The following DNAI1 variants were observed in gnomAD, a reference collection of about 807,000 sequenced individuals.
The protein encoded by DNAI1 is dynein, axonemal, intermediate polypeptide 1.
Under a neutral mutation model 92.0 loss-of-function variants are expected in DNAI1, and 67 were observed. The ratio of observed to expected loss-of-function variants is 0.73; its 90% CI spans 0.60 to 0.89. The LOEUF is 0.89. DNAI1 is among the 40% of genes least tolerant of loss of function. The probability of loss-of-function intolerance (pLI) is 0.00; values close to 1 mark genes in which losing one functional copy is unlikely to be tolerated. For missense variants in DNAI1, 839 were observed against 866.6 expected (o/e 0.97, Z 0.40); for synonymous variants, 323 against 319.6 (o/e 1.01, Z -0.11).
chr9:34,499,524 T>C (rs1163689611), intron 10 of DNAI1, among the ~76,000 whole-genome samples: 6 of 152,120 alleles, frequency 3.9e-5, no homozygotes, highest in Non-Finnish European at 8.8e-5. Flanking sequence ...TCTCCAGATA[T>C]TGTCTGGTGG....
At position 34,490,227 on chromosome 9, in the gene DNAI1, A is replaced by G. The variant is rs1271861493; in HGVS notation, c.501+103A>G. 7 of 1,609,298 alleles carry G rather than the reference A, an allele frequency of 4.3e-6. No individual in the cohort carries two copies. In the East Asian group the frequency reaches 8.9e-5, roughly 20 times the overall value. On this transcript the variant is annotated intron_variant, in intron 6 of 19. Transcript: ENST00000242317. ...AGGAGGAGGGAGACCTAAGGTGAGAATAGAGGCTGCAGGTGCCAATGTGTC... is the reference window on the plus strand; with the variant it reads ...AGGAGGAGGGAGACCTAAGGTGAGAGTAGAGGCTGCAGGTGCCAATGTGTC...
At chr9:34,482,679 C>T (rs1234173095) in intron 1 of DNAI1, among the ~76,000 whole-genome samples, 1 of 152,290 alleles carries the variant, frequency 6.6e-6, no homozygotes, top group Non-Finnish European at 1.5e-5. Context: ...CCCCACCAGA[C>T]TTAGGAGCCC....
At chr9:34,499,821 G>A (rs1824792267) in intron 10 of DNAI1, among the ~76,000 whole-genome samples, 1 of 152,122 alleles carries the variant, frequency 6.6e-6, no homozygotes, top group Admixed American at 6.6e-5. Flanking sequence ...AAATAACGTG[G>A]ATCTCCTCTT....
intron 9 of DNAI1, among the ~76,000 whole-genome samples, chr9:34,496,818 G>A (rs1824735498): frequency 6.6e-6 from 1 of 152,190 alleles, no homozygotes; most frequent in Non-Finnish European, 1.5e-5. Context: ...CCTGTCTTGT[G>A]CTCAGAGATA....
rs1449419096 is a variant in DNAI1 at position 34,459,070 on chromosome 9, T to C, written c.48+17T>C. The C allele has an allele frequency of 1.2e-6, 2 of 1,612,516 alleles. No homozygotes were observed. The highest frequency in any genetic ancestry group is 1.7e-6 in the Non-Finnish European group (2 of 1,178,564). On this transcript the variant is annotated intron_variant, in intron 1 of 19. Transcript: ENST00000242317. ...CATAAGCAGGTAACGTACGCACACC[T>C]TCCTTCTGATGACCTCTGACCTTCG...
Position 34,490,434 on chromosome 9 carries a change from T to C in DNAI1, c.567T>C (p.Thr189=), listed in dbSNP as rs1176885372. Residue 189 remains threonine (T), a synonymous_variant, in exon 7 of 20, where the codon ACT becomes ACC. Coordinates refer to ENST00000242317, the MANE Select transcript of DNAI1 (RefSeq NM_012144.4). ...AGCAGCCCAAGGAGAGAAAGCTCAC[T>C]AACCAGTTCAACTTCAGTGAGAGGG... ...TPKQPKERKL[T]NQFNFSERAS... The C allele has an allele frequency of 6.2e-7, 1 of 1,614,192 alleles. No homozygotes were observed. Among genetic ancestry groups the C allele is most frequent in the Admixed American group, 1.7e-5 (1 of 60,018 alleles).
Position 34,517,306 on chromosome 9 carries a change from A to C in DNAI1, c.1840A>C (p.Ile614Leu). 1 of 1,613,986 alleles carries C rather than the reference A, an allele frequency of 6.2e-7. No homozygotes were observed. The highest frequency in any genetic ancestry group is 1.1e-5 in the South Asian group (1 of 91,028). ...ACAGGCCCACATATTTGACTTAGCC[A>C]TCAACAAGTATGAGGCCATCTGCAA... Reference protein sequence around the residue: ...DGKAHIFDLAINKYEAICNQP... With the variant: ...DGKAHIFDLALNKYEAICNQP... Residue 614 changes from isoleucine to leucine, a missense_variant, in exon 19 of 20, where the codon ATC becomes CTC. Ile to Leu is a conservative substitution (Grantham distance 5, BLOSUM62 2). Transcript: ENST00000242317.
At chr9:34,470,251 G>A (rs908565408) in intron 1 of DNAI1, among the ~76,000 whole-genome samples, 2 of 152,042 alleles carry the variant, frequency 1.3e-5, no homozygotes, top group African/African-American at 4.8e-5. Flanking sequence ...AGAAACAAAA[G>A]CAGATGAGAA....
At chr9:34,467,539 G>A (rs1280647210) in intron 1 of DNAI1, among the ~76,000 whole-genome samples, 3 of 151,948 alleles carry the variant, frequency 2.0e-5, no homozygotes, top group Non-Finnish European at 2.9e-5. Flanking sequence ...AGGCTGAGGC[G>A]GGAGGATCCC....
rs1303585133 is a variant in DNAI1, at chr9:34,514,439, CACA to C, written c.1619_1621del (p.Asn540del). On this transcript the variant is annotated inframe_deletion, in exon 17 of 20. Transcript: ENST00000242317. Reference sequence around the variant, plus strand: ...CCAATTCCTCGACACCTATGACGCCCACAACATGTCAGTGGACACTGTGTCCTG... The same window carrying C: ...CCAATTCCTCGACACCTATGACGCCCACATGTCAGTGGACACTGTGTCCTG... The C allele has an allele frequency of 6.2e-7, 1 of 1,614,224 alleles. No individual in the cohort carries two copies. The highest frequency in any genetic ancestry group is 8.5e-7 in the Non-Finnish European group (1 of 1,180,048).
chr9:34,461,717 T>C (rs1170169102), intron 1 of DNAI1, among the ~76,000 whole-genome samples: 2 of 152,162 alleles, frequency 1.3e-5, no homozygotes, highest in Admixed American at 6.5e-5. Context: ...AGAGTAAATA[T>C]TGGCGTGTGG....
intron 1 of DNAI1, among the ~76,000 whole-genome samples, chr9:34,470,819 T>A (rs1287510376): frequency 6.6e-6 from 1 of 152,190 alleles, no homozygotes; most frequent in Non-Finnish European, 1.5e-5. Flanking sequence ...AGCCATATAC[T>A]GGGACATAAA....
At chr9:34,466,850 C>A (rs1053293723) in intron 1 of DNAI1, among the ~76,000 whole-genome samples, 17 of 152,198 alleles carry the variant, frequency 1.1e-4, no homozygotes, top group African/African-American at 4.1e-4. Context: ...TAATTTTAGT[C>A]TGTTTCCAGC....
chr9:34,513,307 G>A (rs1825110103), intron 16 of DNAI1, 116 bp downstream of exon 16: 1 of 812,130 alleles, frequency 1.2e-6, no homozygotes, highest in South Asian at 1.4e-5. Context: ...AGTTCTAGAA[G>A]GCCTCTTGAG....
chr9:34,520,254 G>T (rs1361104188), intron 19 of DNAI1, among the ~76,000 whole-genome samples: 1 of 152,152 alleles, frequency 6.6e-6, no homozygotes, highest in African/African-American at 2.4e-5. Context: ...ATACCCATTA[G>T]CTCCTTGATA....
chr9:34,466,201 C>T (rs911035600), intron 1 of DNAI1, among the ~76,000 whole-genome samples: 7 of 152,172 alleles, frequency 4.6e-5, no homozygotes, highest in Non-Finnish European at 7.3e-5. Context: ...TCTTTCTTGG[C>T]CTGCAGAAGA....
intron 1 of DNAI1, among the ~76,000 whole-genome samples, chr9:34,468,347 A>AT (rs376170581): frequency 0.21 from 29,369 of 141,880 alleles, 3,353 homozygotes; most frequent in East Asian, 0.45. Context: ...CGCCTGGCTA[A>AT]TTTTTTTTTT....
At chr9:34,476,418 A>T (rs1824238005) in intron 1 of DNAI1, among the ~76,000 whole-genome samples, 2 of 152,272 alleles carry the variant, frequency 1.3e-5, no homozygotes, top group Non-Finnish European at 1.5e-5. Flanking sequence ...GGCTTCCTCA[A>T]GTGTTCCAGG....
chr9:34,499,288 TCAAGG>T (rs1351265238), intron 10 of DNAI1, among the ~76,000 whole-genome samples: 1 of 152,262 alleles, frequency 6.6e-6, no homozygotes, highest in Non-Finnish European at 1.5e-5. Flanking sequence ...TCCCACAACC[TCAAGG>T]TATGGGCACT....
Sources: allele counts gnomAD v4.1 joint callset (sites outside exome capture counted in the v4.1 genomes callset), GRCh38; gene constraint gnomAD v4.1.1; transcripts MANE v1.5; gene names NCBI Gene and HGNC (gene_info 2026-07-23, HGNC 2026-07-21).